The following TCERG1L variants were observed in gnomAD, a reference collection of about 807,000 sequenced individuals.
TCERG1L encodes the protein transcription elongation regulator 1 like.
A neutral mutation model predicts 56.3 loss-of-function variants in TCERG1L; 37 were observed. The observed-to-expected ratio is 0.66, with a 90% CI of 0.51 to 0.87. TCERG1L has a LOEUF of 0.87. Ranked by LOEUF, TCERG1L falls within the 40% of genes least tolerant of loss-of-function variation. TCERG1L has a pLI of 0.00. For synonymous variants in TCERG1L, 324 were observed against 326.3 expected, an observed-to-expected ratio of 0.99 and a Z score of 0.08; for missense variants, 799 against 774.2, an observed-to-expected ratio of 1.03 and a Z score of -0.38.
rs987821107 is a variant in TCERG1L at position 131,264,753 on chromosome 10, G to A, written c.671-4309C>T. Among the ~76,000 whole-genome samples, 6 of 152,216 alleles carry A rather than the reference G, an allele frequency of 3.9e-5. 1 individual carries two copies. The highest frequency in any genetic ancestry group is 2.1e-4 in the South Asian group (1 of 4,834). On this transcript the variant is annotated intron_variant, in intron 3 of 11. Coordinates refer to ENST00000368642, the MANE Select transcript of TCERG1L (RefSeq NM_174937.4). ...TCTCTGCTAAGACCTCCGTGTTGGC[G>A]GGGGAGGGCAAGAGCTTAAAGCCAC... is the stretch of plus-strand genomic sequence containing the variant.
intron 4 of TCERG1L, among the ~76,000 whole-genome samples, chr10:131,231,707 G>A (rs1433617591): frequency 6.6e-6 from 1 of 152,206 alleles, no homozygotes; most frequent in Non-Finnish European, 1.5e-5. Flanking sequence ...TGAAGCCAAT[G>A]AGGCCGGCAC....
chr10:131,305,245 G>C (rs924722532), intron 3 of TCERG1L, among the ~76,000 whole-genome samples: 3 of 152,050 alleles, frequency 2.0e-5, no homozygotes, highest in African/African-American at 7.3e-5. Flanking sequence ...TGGCCAACAG[G>C]CTTGTTTACA....
intron 4 of TCERG1L, among the ~76,000 whole-genome samples, chr10:131,246,275 G>C (rs905731383): frequency 1.3e-5 from 2 of 152,172 alleles, no homozygotes; most frequent in African/African-American, 4.8e-5. Flanking sequence ...ATGAGCAATT[G>C]TTGGCCAGAA....
chr10:131,097,223 GAAAC>G lies in TCERG1L; in HGVS notation c.1604+1079_1604+1082del, dbSNP rs368368141. ...CTCAAAAAAAAAAAAAAAAAAAAAA[GAAAC>G]AAACAAAAAACTGATGCTGCATCTT... On this transcript the variant is annotated intron_variant, in intron 11 of 11. Transcript: ENST00000368642. Among the ~76,000 whole-genome samples, 214 of 123,920 alleles carry G rather than the reference GAAAC, an allele frequency of 1.7e-3. 1 individual carries two copies. The highest frequency in any genetic ancestry group is 3.2e-3 in the African/African-American group (108 of 33,614). The allele number at this position is 123,920 out of a possible 152,430, so 81.3% of individuals were successfully genotyped here.
intron 8 of TCERG1L, among the ~76,000 whole-genome samples, chr10:131,131,296 C>A (rs139639367): frequency 1.2e-4 from 18 of 152,190 alleles, no homozygotes; most frequent in African/African-American, 4.1e-4. Flanking sequence ...GAACTGTTCA[C>A]GGGAATGCTC....
intron 6 of TCERG1L, among the ~76,000 whole-genome samples, chr10:131,147,957 C>T (rs1052324661): frequency 6.6e-6 from 1 of 152,232 alleles, no homozygotes; most frequent in Non-Finnish European, 1.5e-5. Flanking sequence ...AGGCAGAGGG[C>T]TCAGGGCCTG....
chr10:131,310,977 C>T (rs966610280), intron 1 of TCERG1L, among the ~76,000 whole-genome samples: 2 of 152,244 alleles, frequency 1.3e-5, no homozygotes, highest in African/African-American at 4.8e-5. Context: ...CACTTCAGCA[C>T]CTCGCGATGG....
chr10:131,121,212 T>C (rs1037060828), intron 8 of TCERG1L, among the ~76,000 whole-genome samples: 1 of 152,084 alleles, frequency 6.6e-6, no homozygotes, highest in African/African-American at 2.4e-5. Context: ...TGCTGCCATG[T>C]GATGTGGGGA....
At chr10:131,119,926 T>C (rs183355295) in intron 8 of TCERG1L, among the ~76,000 whole-genome samples, 130 of 152,290 alleles carry the variant, frequency 8.5e-4, no homozygotes, top group African/African-American at 3.0e-3. Flanking sequence ...AGGTCCAATG[T>C]ATAGGTTGAA....
Position 131,233,205 on chromosome 10 carries a change from G to A in TCERG1L, c.856+27054C>T, listed in dbSNP as rs190652495. ...TTTTAGTACAGATCATACATCGCGA[G>A]AGACAGGAAGAAAGGAGGGAGTGAG... On this transcript the variant is annotated intron_variant, in intron 4 of 11. Coordinates refer to ENST00000368642, the MANE Select transcript of TCERG1L (RefSeq NM_174937.4). Among the ~76,000 whole-genome samples, 45 of 152,332 alleles carry A rather than the reference G, an allele frequency of 3.0e-4. 1 individual carries two copies. In the East Asian group the frequency reaches 7.1e-3, roughly 24 times the overall value.
At chr10:131,177,638 A>G (rs2133448987) in intron 4 of TCERG1L, among the ~76,000 whole-genome samples, 1 of 152,296 alleles carries the variant, frequency 6.6e-6, no homozygotes, top group East Asian at 1.9e-4. Context: ...CACGCCCAGC[A>G]CATGTCAGAG....
chr10:131,169,183 G>A (rs973790039), intron 4 of TCERG1L, among the ~76,000 whole-genome samples: 13 of 152,070 alleles, frequency 8.5e-5, no homozygotes, highest in African/African-American at 3.1e-4. Context: ...CTGCAGGGTC[G>A]TCCTGTCCCC....
intron 4 of TCERG1L, among the ~76,000 whole-genome samples, chr10:131,254,003 C>T (rs1303750760): frequency 6.6e-6 from 1 of 152,144 alleles, no homozygotes; most frequent in Admixed American, 6.5e-5. Context: ...GTTCCAGGGG[C>T]CACTTCAGGA....
At chr10:131,163,548 A>T (rs1397838388) in intron 5 of TCERG1L, among the ~76,000 whole-genome samples, 2 of 152,212 alleles carry the variant, frequency 1.3e-5, no homozygotes, top group Non-Finnish European at 2.9e-5. Context: ...CACTGGCTTC[A>T]TCCCCAGAAA....
At chr10:131,218,646 T>C (rs1845699516) in intron 4 of TCERG1L, among the ~76,000 whole-genome samples, 1 of 152,296 alleles carries the variant, frequency 6.6e-6, no homozygotes, top group South Asian at 2.1e-4. Context: ...GTGCACCTGC[T>C]GTCTGCCCAT....
Position 131,158,975 on chromosome 10 carries a change from C to CTGG in TCERG1L, c.1034+4144_1034+4146dup, listed in dbSNP as rs531072250. 3.5e-3 allele frequency among the ~76,000 whole-genome samples: 528 copies of CTGG among 152,382 alleles called. 6 individuals are homozygous for CTGG. The highest frequency in any genetic ancestry group is 5.7e-3 in the Non-Finnish European group (385 of 68,044). On this transcript the variant is annotated intron_variant, in intron 6 of 11. Transcript: ENST00000368642. The stretch of plus-strand genomic sequence containing the variant: ...GTGGGGTCCCCCAGGTGACCCTGAA[C>CTGG]TGGCCTTCTAAGACTCGACCCCTGC...
At chr10:131,208,950 C>T (rs922067813) in intron 4 of TCERG1L, among the ~76,000 whole-genome samples, 9 of 150,814 alleles carry the variant, frequency 6.0e-5, no homozygotes, top group African/African-American at 2.2e-4. Context: ...CCCAGCTACT[C>T]GGGAGGCCGA....
Position 131,240,652 on chromosome 10 carries a change from C to T in TCERG1L, c.856+19607G>A, listed in dbSNP as rs73398423. ...GTCTTGCAGACAGACGTGAGCCACG[C>T]GTTTTCTAAAAATACGCCACAGCCT... is the stretch of plus-strand genomic sequence containing the variant. On this transcript the variant is annotated intron_variant, in intron 4 of 11. Coordinates refer to ENST00000368642, the MANE Select transcript of TCERG1L (RefSeq NM_174937.4). Among the ~76,000 whole-genome samples the T allele has an allele frequency of 3.8e-3, 580 of 152,242 alleles. 21 individuals are homozygous for T. In the East Asian group the frequency reaches 0.071, roughly 19 times the overall value.
At chr10:131,293,578 C>T (rs1173729975) in intron 3 of TCERG1L, among the ~76,000 whole-genome samples, 2 of 152,040 alleles carry the variant, frequency 1.3e-5, no homozygotes, top group African/African-American at 4.8e-5. Context: ...ACATTCCCAC[C>T]CCACCATAAA....
Sources: allele counts gnomAD v4.1 joint callset (sites outside exome capture counted in the v4.1 genomes callset), GRCh38; gene constraint gnomAD v4.1.1; transcripts MANE v1.5; gene names NCBI Gene and HGNC (gene_info 2026-07-23, HGNC 2026-07-21).